ADAP1: variants seen among roughly 807,000 people sequenced by gnomAD.
ADAP1 encodes arf-GAP with dual PH domain-containing protein 1.
Under a neutral mutation model 54.9 loss-of-function variants are expected in ADAP1, and 31 were observed. That is an observed-to-expected ratio of 0.56 (90% CI 0.42 to 0.76). The LOEUF (loss-of-function observed/expected upper bound fraction) is 0.76. Among genes scored for constraint, ADAP1 ranks in the 30% least tolerant of loss-of-function variants. The pLI is 0.00. For missense variants in ADAP1, 535 were observed against 512.4 expected, an observed-to-expected ratio of 1.04 and a Z score of -0.42; for synonymous variants, 313 against 202.6, an observed-to-expected ratio of 1.55 and a Z score of -4.63.
At chr7:925,726 C>T (rs942020880) in intron 3 of ADAP1, among the ~76,000 whole-genome samples, 3 of 152,272 alleles carry the variant, frequency 2.0e-5, no homozygotes, top group East Asian at 1.9e-4. Context: ...GGAGGCCAGG[C>T]GCCCGCCGCT....
intron 6 of ADAP1, among the ~76,000 whole-genome samples, chr7:901,692 TTCC>T (rs913257256): frequency 8.1e-5 from 8 of 98,656 alleles, no homozygotes; most frequent in African/African-American, 2.8e-4. Context: ...CCTGTGGCCC[TTCC>T]TCCTAGGCCA....
upstream of ADAP1, chr7:954,778 C>G (rs1375815617): frequency 2.2e-6 from 2 of 901,182 alleles, no homozygotes; most frequent in Non-Finnish European, 2.7e-6. Context: ...CTCCCTCGGC[C>G]GCTCCGGCGC....
chr7:908,931 G>A (rs899556645), intron 4 of ADAP1, among the ~76,000 whole-genome samples: 3 of 152,210 alleles, frequency 2.0e-5, no homozygotes, highest in Non-Finnish European at 4.4e-5. Context: ...AGGACACAGC[G>A]GGGGCCCCTT....
chr7:911,816 A>G (rs1361103212), intron 4 of ADAP1, among the ~76,000 whole-genome samples: 4 of 141,206 alleles, frequency 2.8e-5, no homozygotes, highest in Non-Finnish European at 6.3e-5. Context: ...GGGGCGGGGG[A>G]CCCACGGAGG....
intron 1 of ADAP1, among the ~76,000 whole-genome samples, chr7:951,301 A>AG (rs2128113361): frequency 6.6e-6 from 1 of 150,726 alleles, no homozygotes; most frequent in South Asian, 2.1e-4. Flanking sequence ...TGAACCTGGG[A>AG]GGGGGAGCTT....
At chr7:903,471 G>C (rs1175986173) in intron 6 of ADAP1, among the ~76,000 whole-genome samples, 3 of 152,182 alleles carry the variant, frequency 2.0e-5, no homozygotes, top group Non-Finnish European at 2.9e-5. Context: ...TCAAGATTTA[G>C]GAACGATATA....
chr7:945,870 G>A lies in ADAP1; in HGVS notation c.82+8526C>T, dbSNP rs1260110844. 4.1e-6 allele frequency: 4 copies of A among 978,570 alleles called. No homozygotes were observed. The highest frequency in any genetic ancestry group is 6.1e-5 in the Admixed American group (1 of 16,272). The allele number at this position is 978,570 out of a possible 1,614,324, so 60.6% of individuals were successfully genotyped here. A position where few individuals can be genotyped will look rare whatever the true frequency, so the allele number is the denominator to read the frequency against. On this transcript the variant is annotated intron_variant, in intron 1 of 10. Coordinates refer to ENST00000265846, the MANE Select transcript of ADAP1 (RefSeq NM_006869.4). The surrounding 1 kb of genome is among the most constrained non-coding windows in gnomAD (Gnocchi z 4.2). The stretch of plus-strand genomic sequence containing the variant: ...TTGGGCGGAGCCAGGTGGGGCAGGC[G>A]TGTCCCCCAAGCCAAGGCCCAGGCT...
chr7:901,913 G>A (rs1313723138), intron 6 of ADAP1, among the ~76,000 whole-genome samples: 1 of 152,024 alleles, frequency 6.6e-6, no homozygotes, highest in African/African-American at 2.4e-5. Flanking sequence ...GGGGCTCTAA[G>A]CAGAACTGGT....
At chr7:903,105 G>A (rs950995785) in intron 6 of ADAP1, among the ~76,000 whole-genome samples, 3 of 152,180 alleles carry the variant, frequency 2.0e-5, no homozygotes, top group African/African-American at 7.2e-5. Flanking sequence ...GCAGGCTCCT[G>A]GTGCCCGACT....
At position 939,130 on chromosome 7, in the gene ADAP1, A is replaced by G. The variant is rs558377183; in HGVS notation, c.83-3625T>C. Among the ~76,000 whole-genome samples, 33 of 152,324 alleles carry G rather than the reference A, an allele frequency of 2.2e-4. No individual in the cohort carries two copies. In the South Asian group the frequency reaches 6.8e-3, roughly 32 times the overall value. On this transcript the variant is annotated intron_variant, in intron 1 of 10. Coordinates refer to ENST00000265846, the MANE Select transcript of ADAP1 (RefSeq NM_006869.4). The stretch of plus-strand genomic sequence containing the variant: ...AATAAGGTGTTACTGGAACTCAGCC[A>G]TGCCCATTTATGAACTGTCTATAGC...
rs1455744653 is a variant in ADAP1, at chr7:920,434, T to C, written c.306-384A>G. Among the ~76,000 whole-genome samples, 42 of 30,426 alleles carry C rather than the reference T, an allele frequency of 1.4e-3. No individual in the cohort carries two copies. The highest frequency in any genetic ancestry group is 1.9e-3 in the Admixed American group (5 of 2,676). 20.0% of individuals were successfully genotyped at this position (30,426 alleles called of 152,430 possible). A position where few individuals can be genotyped will look rare whatever the true frequency, so the allele number is the denominator to read the frequency against. On this transcript the variant is annotated intron_variant, in intron 3 of 10. Transcript: ENST00000265846. This position sits in a 1 kb window ranked among gnomAD's most constrained non-coding sequence, Gnocchi z 4.5. ...CCCCGAGTCACACGCCCCTGGGCCC[T>C]CCCCGACCCTCCCCACCTCGTTGGA...
At chr7:941,851 A>C (rs1207791597) in intron 1 of ADAP1, among the ~76,000 whole-genome samples, 1 of 152,244 alleles carries the variant, frequency 6.6e-6, no homozygotes, top group Non-Finnish European at 1.5e-5. Context: ...ACTTAGAAAA[A>C]AAAGACAAGG....
At chr7:910,731 G>T (rs1290036528) in intron 4 of ADAP1, among the ~76,000 whole-genome samples, 1 of 152,230 alleles carries the variant, frequency 6.6e-6, no homozygotes, top group Non-Finnish European at 1.5e-5. Flanking sequence ...TCTGGGGTGG[G>T]AACTGCATCC....
At chr7:900,666 G>C (rs748686555) in intron 6 of ADAP1, 50 bp from the exon 7 acceptor site, 8 of 1,377,360 alleles carry the variant, frequency 5.8e-6, no homozygotes, top group Middle Eastern at 2.3e-4. Flanking sequence ...TGCAGCGCTG[G>C]GGTCCCCACA....
At chr7:903,980 G>A (rs1844955408) in intron 6 of ADAP1, 146 bp downstream of exon 6, 13 of 1,101,078 alleles carry the variant, frequency 1.2e-5, no homozygotes, top group Non-Finnish European at 1.5e-5. Context: ...TTCCCACGCT[G>A]CCCAGCCCGA....
At chr7:921,355 T>C (rs1006207336) in intron 3 of ADAP1, among the ~76,000 whole-genome samples, 3 of 152,264 alleles carry the variant, frequency 2.0e-5, no homozygotes, top group Non-Finnish European at 2.9e-5. Context: ...AGGGTCTCAC[T>C]GTGTCTCCCA....
chr7:907,452 G>A (rs142430601), intron 4 of ADAP1, among the ~76,000 whole-genome samples: 1 of 152,144 alleles, frequency 6.6e-6, no homozygotes, highest in East Asian at 1.9e-4. Flanking sequence ...CCGAGTCTCG[G>A]GCCCGTGGGA....
intron 8 of ADAP1, 123 bp downstream of exon 8, chr7:899,979 G>A: frequency 1.7e-6 from 2 of 1,203,270 alleles, no homozygotes; most frequent in Non-Finnish European, 1.2e-6. Flanking sequence ...ACAAGGGGCT[G>A]TGAGGACCCA....
intron 6 of ADAP1, 138 bp downstream of exon 6, chr7:903,988 C>CG (rs1179605155): frequency 2.5e-6 from 3 of 1,202,338 alleles, no homozygotes; most frequent in Non-Finnish European, 3.4e-6. Context: ...CTGCCCAGCC[C>CG]GACTTCCCGC....
Sources: allele counts gnomAD v4.1 joint callset (sites outside exome capture counted in the v4.1 genomes callset), GRCh38; gene constraint gnomAD v4.1.1; non-coding constraint Gnocchi (gnomAD v3.1); transcripts MANE v1.5; gene names NCBI Gene and HGNC (gene_info 2026-07-23, HGNC 2026-07-21).